SPSB4: variants seen among roughly 807,000 people sequenced by gnomAD.
SPSB4 encodes the protein splA/ryanodine receptor domain and SOCS box containing 4, also known as SPRY domain-containing SOCS box protein 4.
In SPSB4, 21 loss-of-function variants were observed where a neutral mutation model predicts 20.9. The ratio of observed to expected loss-of-function variants is 1.01; its 90% CI spans 0.71 to 1.45. The LOEUF (loss-of-function observed/expected upper bound fraction) is 1.45, where lower values mean the gene tolerates loss of function less well. Ranked by LOEUF, SPSB4 falls within the 40% of genes most tolerant of loss-of-function variation. The probability of loss-of-function intolerance (pLI) is 0.00; values close to 1 mark genes in which losing one functional copy is unlikely to be tolerated. For synonymous variants in SPSB4, 207 were observed against 183.8 expected, an observed-to-expected ratio of 1.13 and a Z score of -1.02; for missense variants, 399 against 399.2, an observed-to-expected ratio of 1.00 and a Z score of 0.00.
chr3:141,071,673 C>A (rs1195258205), intron 2 of SPSB4, among the ~76,000 whole-genome samples: 1 of 152,188 alleles, frequency 6.6e-6, no homozygotes, highest in Non-Finnish European at 1.5e-5. Flanking sequence ...CTGCCCACCA[C>A]TGAGCATGGC....
chr3:141,081,709 T>C (rs1004370292), intron 2 of SPSB4, among the ~76,000 whole-genome samples: 1 of 152,164 alleles, frequency 6.6e-6, no homozygotes, highest in Admixed American at 6.5e-5. Context: ...TTGCTAGCTC[T>C]GTGTCCTTGG....
chr3:141,113,489 A>T (rs1938835635), intron 2 of SPSB4, among the ~76,000 whole-genome samples: 1 of 152,278 alleles, frequency 6.6e-6, no homozygotes, highest in African/African-American at 2.4e-5. Flanking sequence ...ACATGCTACA[A>T]CATCAATGAA....
chr3:141,090,281 G>T (rs918011775), intron 2 of SPSB4, among the ~76,000 whole-genome samples: 1 of 152,194 alleles, frequency 6.6e-6, no homozygotes, highest in Non-Finnish European at 1.5e-5. Flanking sequence ...ACACAAAACA[G>T]CAGGGACAAA....
At chr3:141,100,207 T>TTG (rs1171369833) in intron 2 of SPSB4, among the ~76,000 whole-genome samples, 1 of 152,176 alleles carries the variant, frequency 6.6e-6, no homozygotes, top group Admixed American at 6.5e-5. Context: ...TATGAGTTGA[T>TTG]TGTGTCCCCC....
intron 2 of SPSB4, among the ~76,000 whole-genome samples, chr3:141,108,119 G>T (rs1284983861): frequency 6.6e-6 from 1 of 151,930 alleles, no homozygotes; most frequent in Non-Finnish European, 1.5e-5. Context: ...GGCCAGCGAG[G>T]GTCAGAGTCT....
Position 141,066,627 on chromosome 3 carries a change from G to A in SPSB4, c.523G>A (p.Asp175Asn), listed in dbSNP as rs571854227. 122 of 1,608,308 alleles carry A rather than the reference G, an allele frequency of 7.6e-5. No homozygotes were observed. Among genetic ancestry groups the A allele is most frequent in the Admixed American group, 4.4e-4 (26 of 59,478 alleles). ...LGPDEAFALP[D>N]SLLVVLDMDE... ...GCCCGACGAGGCCTTTGCGCTGCCC[G>A]ACTCGCTGCTCGTGGTGCTGGACAT... Residue 175 changes from aspartate to asparagine, a missense_variant, in exon 2 of 3, where the codon GAC becomes AAC. Physicochemically the swap from Asp to Asn is conservative, Grantham distance 23. Coordinates refer to ENST00000310546, the MANE Select transcript of SPSB4 (RefSeq NM_080862.3).
chr3:141,065,752 G>C (rs537433668), intron 1 of SPSB4, among the ~76,000 whole-genome samples, 200 bp from the exon 2 acceptor site: 1 of 152,198 alleles, frequency 6.6e-6, no homozygotes, highest in Non-Finnish European at 1.5e-5. Context: ...GAGATGTTAA[G>C]GATTAAACAA....
chr3:141,143,683 C>A (rs1238393603), intron 2 of SPSB4, among the ~76,000 whole-genome samples: 1 of 152,250 alleles, frequency 6.6e-6, no homozygotes, highest in Non-Finnish European at 1.5e-5. Context: ...ACTCCTGTTT[C>A]TCCTTCCTTG....
At chr3:141,128,350 T>C (rs1470116437) in intron 2 of SPSB4, among the ~76,000 whole-genome samples, 1 of 151,886 alleles carries the variant, frequency 6.6e-6, no homozygotes, top group African/African-American at 2.4e-5. Context: ...GGAGAGGGGC[T>C]GTGGGGGGCC....
At chr3:141,129,168 T>G (rs1402242881) in intron 2 of SPSB4, among the ~76,000 whole-genome samples, 2 of 152,190 alleles carry the variant, frequency 1.3e-5, no homozygotes, top group Non-Finnish European at 1.5e-5. Flanking sequence ...GTTCTTCATC[T>G]AAGTGGAGGT....
rs754703570 is a variant in SPSB4 at position 141,147,160 on chromosome 3, T to A, written c.713T>A (p.Met238Lys). ...NGLDPEPLPL[M>K]DLCRRSIRSA... ...ATTGCAGCCGAGCCCCTGCCACTGA[T>A]GGACCTGTGCCGGAGATCCATCCGC... Residue 238 changes from methionine to lysine, a missense_variant, in exon 3 of 3, where the codon ATG becomes AAG. By Grantham distance (95) the Met-to-Lys change is moderately conservative. Coordinates refer to ENST00000310546, the MANE Select transcript of SPSB4 (RefSeq NM_080862.3). 1 of 1,614,048 alleles carries A rather than the reference T, an allele frequency of 6.2e-7. No individual in the cohort carries two copies.
At chr3:141,054,376 T>C (rs1001623358) in intron 1 of SPSB4, among the ~76,000 whole-genome samples, 4 of 152,222 alleles carry the variant, frequency 2.6e-5, no homozygotes, top group South Asian at 2.1e-4. Flanking sequence ...TATGTGAACA[T>C]GACCATCTGT....
At chr3:141,099,800 G>A (rs550033517) in intron 2 of SPSB4, among the ~76,000 whole-genome samples, 1 of 152,330 alleles carries the variant, frequency 6.6e-6, no homozygotes, top group South Asian at 2.1e-4. Context: ...GCACCAGAAT[G>A]TGCTGGTACT....
intron 2 of SPSB4, among the ~76,000 whole-genome samples, chr3:141,084,651 C>T (rs1439495032): frequency 6.6e-6 from 1 of 152,192 alleles, no homozygotes; most frequent in Non-Finnish European, 1.5e-5. Context: ...TCTGGAGGGT[C>T]TGTGGTGTCT....
At chr3:141,079,475 G>A (rs1938184633) in intron 2 of SPSB4, among the ~76,000 whole-genome samples, 2 of 152,110 alleles carry the variant, frequency 1.3e-5, no homozygotes, top group Admixed American at 6.5e-5. Flanking sequence ...TTTGATATGA[G>A]TGTAAAGAAG....
rs1376469617 is a variant in SPSB4 at position 141,148,092 on chromosome 3, G to A, written c.*823G>A. 2 of 152,722 alleles carry A rather than the reference G, an allele frequency of 1.3e-5. No individual in the cohort carries two copies. Among genetic ancestry groups the A allele is most frequent in the Non-Finnish European group, 2.9e-5 (2 of 68,144 alleles). The allele number at this position is 152,722 out of a possible 1,614,324, so 9.5% of individuals were successfully genotyped here. On this transcript the variant is annotated 3_prime_UTR_variant, in exon 3 of 3. Transcript: ENST00000310546. This position sits in a 1 kb window ranked among gnomAD's most constrained non-coding sequence, Gnocchi z 4.5. Reference sequence around the variant, plus strand: ...GTACTTAGTCCAAAGGTGCTAACGGGGGAACTGGGGGCATTGTGACACCCA... The same window carrying A: ...GTACTTAGTCCAAAGGTGCTAACGGAGGAACTGGGGGCATTGTGACACCCA...
At position 141,086,273 on chromosome 3, in the gene SPSB4, A is replaced by G. The variant is rs534569843; in HGVS notation, c.694+19475A>G. Reference sequence around the variant, plus strand: ...CTTGAAGGGTTTTTGAGAGGATCACATGAAATAAAAGAGGGCAAAGCAGGT... The same window carrying G: ...CTTGAAGGGTTTTTGAGAGGATCACGTGAAATAAAAGAGGGCAAAGCAGGT... On this transcript the variant is annotated intron_variant, in intron 2 of 2. Transcript: ENST00000310546. 3.9e-5 allele frequency among the ~76,000 whole-genome samples: 6 copies of G among 152,342 alleles called. No individual in the cohort carries two copies. The South Asian group carries it at 1.2e-3, about 32-fold the overall frequency.
chr3:141,131,500 A>G (rs975234575), intron 2 of SPSB4, among the ~76,000 whole-genome samples: 4 of 150,890 alleles, frequency 2.7e-5, no homozygotes, highest in Non-Finnish European at 5.9e-5. Context: ...ACCCCCAGGA[A>G]TCCCTCATGC....
chr3:141,145,521 G>T (rs1939399111), intron 2 of SPSB4, among the ~76,000 whole-genome samples: 1 of 152,060 alleles, frequency 6.6e-6, no homozygotes, highest in Non-Finnish European at 1.5e-5. Flanking sequence ...AAAGCTGCAG[G>T]CCTCGGGTGG....
Sources: allele counts gnomAD v4.1 joint callset (sites outside exome capture counted in the v4.1 genomes callset), GRCh38; gene constraint gnomAD v4.1.1; non-coding constraint Gnocchi (gnomAD v3.1); transcripts MANE v1.5; gene names NCBI Gene and HGNC (gene_info 2026-07-23, HGNC 2026-07-21).